The following CHD9 variants were observed in gnomAD, a reference collection of about 807,000 sequenced individuals.
The protein encoded by CHD9 is chromodomain helicase DNA binding protein 9.
A neutral mutation model predicts 316.1 loss-of-function variants in CHD9; 77 were observed. The ratio of observed to expected loss-of-function variants is 0.24; its 90% CI spans 0.20 to 0.29. CHD9 has a LOEUF of 0.29. CHD9 is among the 10% of genes least tolerant of loss of function. CHD9 has a pLI of 1.00. For missense variants in CHD9, 2,763 were observed against 3,438.1 expected, an observed-to-expected ratio of 0.80 and a Z score of 4.91; for synonymous variants, 1,129 against 1,158.3, an observed-to-expected ratio of 0.97 and a Z score of 0.51.
At chr16:53,208,362 GA>G (rs1567479690) in intron 2 of CHD9, 1 of 1,279,318 alleles carries the variant, frequency 7.8e-7, no homozygotes, top group Admixed American at 2.4e-5. Context: ...GTGAAAGCCT[GA>G]ATGAGTGGGA....
intron 22 of CHD9, among the ~76,000 whole-genome samples, chr16:53,270,706 C>G (rs1332745002): frequency 1.3e-5 from 2 of 152,058 alleles, no homozygotes; most frequent in Non-Finnish European, 2.9e-5. Flanking sequence ...ATTTTGGAAG[C>G]TGGAGGCAAA....
rs375375004 is a variant in CHD9, at chr16:53,133,170, A to G, written c.-164-22756A>G. Among the ~76,000 whole-genome samples, 9 of 152,244 alleles carry G rather than the reference A, an allele frequency of 5.9e-5. No homozygotes were observed. In the South Asian group the frequency reaches 1.0e-3, roughly 18 times the overall value. On this transcript the variant is annotated intron_variant, in intron 1 of 38. Coordinates refer to ENST00000447540, the MANE Select transcript of CHD9 (RefSeq NM_001308319.2). ...TGATTAAGGGTAACTGTCATTCCTG[A>G]ACAGTTTCAGGTAAGTATGTATAGT...
intron 24 of CHD9, among the ~76,000 whole-genome samples, chr16:53,280,825 TTTC>T (rs1193875840): frequency 6.6e-6 from 1 of 152,238 alleles, no homozygotes. Flanking sequence ...CCAATGGATC[TTTC>T]TTCTTCGGGG....
In CHD9 at chr16:53,307,663, T is replaced by C. The variant is rs1486082628; in HGVS notation, c.6781-18T>C. 6.3e-7 allele frequency: 1 copy of C among 1,577,626 alleles called. No homozygotes were observed. Among genetic ancestry groups the C allele is most frequent in the Non-Finnish European group, 8.6e-7 (1 of 1,160,758 alleles). On this transcript the variant is annotated intron_variant, in intron 32 of 38. Transcript: ENST00000447540. ...TCTAATTATTAAAATTACACTTTGA[T>C]GTTGCACGCTTTTCTAGGATCGTGT...
At chr16:53,315,621 G>C (rs903098537) in intron 36 of CHD9, among the ~76,000 whole-genome samples, 4 of 151,986 alleles carry the variant, frequency 2.6e-5, no homozygotes, top group African/African-American at 9.7e-5. Flanking sequence ...TGGGACCACA[G>C]GTGCACACCA....
intron 1 of CHD9, among the ~76,000 whole-genome samples, chr16:53,066,628 A>G (rs1444960545): frequency 3.3e-5 from 5 of 152,006 alleles, no homozygotes; most frequent in Non-Finnish European, 7.4e-5. Flanking sequence ...GAGAGGCACC[A>G]TATTTAACCT....
intron 2 of CHD9, among the ~76,000 whole-genome samples, chr16:53,204,058 T>TACACAC (rs58259105): frequency 6.3e-5 from 4 of 63,010 alleles, no homozygotes; most frequent in African/African-American, 1.3e-4. Flanking sequence ...AATATATATA[T>TACACAC]ACACACACAC....
At chr16:53,312,633 G>T (rs2056563738) in intron 34 of CHD9, among the ~76,000 whole-genome samples, 1 of 152,262 alleles carries the variant, frequency 6.6e-6, no homozygotes, top group East Asian at 1.9e-4. Flanking sequence ...CTTAAGTTAT[G>T]AAAAGCATCA....
chr16:53,268,280 G>A (rs2051889341), intron 22 of CHD9, among the ~76,000 whole-genome samples, 154 bp downstream of exon 22: 1 of 152,284 alleles, frequency 6.6e-6, no homozygotes, highest in East Asian at 1.9e-4. Context: ...GAAAATGCCA[G>A]TGTTATCAGT....
At chr16:53,189,382 T>G (rs1358879694) in intron 2 of CHD9, among the ~76,000 whole-genome samples, 2 of 152,058 alleles carry the variant, frequency 1.3e-5, no homozygotes, top group Admixed American at 1.3e-4. Flanking sequence ...GAAAAGATGT[T>G]GAAACTTTGT....
intron 30 of CHD9, among the ~76,000 whole-genome samples, chr16:53,297,772 T>C (rs2054937256): frequency 6.6e-6 from 1 of 152,234 alleles, no homozygotes; most frequent in African/African-American, 2.4e-5. Flanking sequence ...TTCTCACTGC[T>C]AAACCCAATG....
intron 1 of CHD9, chr16:53,131,418 T>A (rs1308296344): frequency 1.1e-5 from 1 of 89,210 alleles, no homozygotes; most frequent in African/African-American, 4.2e-5. Flanking sequence ...GGGGCCGGGG[T>A]CGGGCGGGCG....
At chr16:53,247,048 T>TA (rs754479674) in intron 15 of CHD9, among the ~76,000 whole-genome samples, 29 of 152,232 alleles carry the variant, frequency 1.9e-4, no homozygotes, top group Non-Finnish European at 3.4e-4. Flanking sequence ...TAAAAGGCAT[T>TA]ATGCCAGGTA....
At chr16:53,207,797 T>A (rs573220376) in intron 2 of CHD9, among the ~76,000 whole-genome samples, 57 of 152,248 alleles carry the variant, frequency 3.7e-4, no homozygotes, top group African/African-American at 1.3e-3. Flanking sequence ...TTTTTTTTTT[T>A]AATCAGATTT....
chr16:53,233,649 C>T (rs2048370115), intron 10 of CHD9, among the ~76,000 whole-genome samples: 1 of 152,070 alleles, frequency 6.6e-6, no homozygotes, highest in South Asian at 2.1e-4. Context: ...CATTCCCCTT[C>T]TCCCCTCTAA....
intron 2 of CHD9, among the ~76,000 whole-genome samples, chr16:53,205,119 G>A (rs972726518): frequency 6.6e-6 from 1 of 152,168 alleles, no homozygotes; most frequent in Non-Finnish European, 1.5e-5. Context: ...GGGATTACAG[G>A]CATGAGCCAC....
intron 2 of CHD9, among the ~76,000 whole-genome samples, chr16:53,179,828 C>T (rs1275882615): frequency 6.6e-6 from 1 of 150,408 alleles, no homozygotes; most frequent in Non-Finnish European, 1.5e-5. Context: ...ACCTGGGAGG[C>T]AGAGGTTGCA....
intron 1 of CHD9, among the ~76,000 whole-genome samples, chr16:53,146,265 C>T (rs557081927): frequency 2.3e-4 from 33 of 145,344 alleles, no homozygotes; most frequent in African/African-American, 6.9e-4. Context: ...TTGTGACGGG[C>T]GCCTGTAATC....
At chr16:53,144,465 A>C (rs912769426) in intron 1 of CHD9, among the ~76,000 whole-genome samples, 50 of 152,198 alleles carry the variant, frequency 3.3e-4, no homozygotes, top group African/African-American at 1.2e-3. Flanking sequence ...TCTCTCTTGG[A>C]ACCTTTTGTC....
Sources: gnomAD v4.1 joint callset for allele counts (sites outside exome capture counted in the v4.1 genomes callset) on GRCh38, gnomAD v4.1.1 for gene constraint, MANE v1.5 for transcripts, NCBI Gene and HGNC (gene_info 2026-07-23, HGNC 2026-07-21) for gene names.